Variants in ACVR1C observed in about 807,000 individuals in gnomAD.
The protein encoded by ACVR1C is activin A receptor type 1C.
In ACVR1C, 23 loss-of-function variants were observed where a neutral mutation model predicts 57.9. That is an observed-to-expected ratio of 0.40 (90% confidence interval 0.29 to 0.56). The LOEUF is 0.56. Ranked by LOEUF, ACVR1C falls within the 20% of genes least tolerant of loss-of-function variation. The probability of loss-of-function intolerance (pLI) is 0.50; values close to 1 mark genes in which losing one functional copy is unlikely to be tolerated. For synonymous variants in ACVR1C, 214 were observed against 215.3 expected (o/e 0.99, Z 0.05); for missense variants, 480 against 607.9 (o/e 0.79, Z 2.21).
intron 1 of ACVR1C, among the ~76,000 whole-genome samples, chr2:157,619,096 G>T (rs1044981219): frequency 7.9e-5 from 12 of 151,914 alleles, no homozygotes; most frequent in Non-Finnish European, 1.5e-5. Context: ...AGTGGAATAT[G>T]TAGTATTTTC....
chr2:157,585,807 T>C (rs1688907934), intron 2 of ACVR1C, among the ~76,000 whole-genome samples: 1 of 152,062 alleles, frequency 6.6e-6, no homozygotes, highest in African/African-American at 2.4e-5. Flanking sequence ...GCATCTGAGA[T>C]AGAGAGAATA....
chr2:157,541,240 T>C, intron 6 of ACVR1C, 26 bp from the exon 7 acceptor site: 1 of 1,606,484 alleles, frequency 6.2e-7, no homozygotes, highest in Non-Finnish European at 8.5e-7. Flanking sequence ...CATTTCAGAT[T>C]CTGTCTATGA....
intron 8 of ACVR1C, among the ~76,000 whole-genome samples, chr2:157,534,660 G>A (rs182571647): frequency 2.6e-5 from 4 of 152,158 alleles, no homozygotes; most frequent in Non-Finnish European, 4.4e-5. Context: ...AAAAATCCTG[G>A]ACTTTAAAAA....
intron 4 of ACVR1C, 91 bp from the exon 5 acceptor site, chr2:157,544,703 TA>T: frequency 8.8e-7 from 1 of 1,140,282 alleles, no homozygotes; most frequent in Non-Finnish European, 1.2e-6. Flanking sequence ...TCTGTATTGT[TA>T]ACAAAGCAAA....
At chr2:157,553,334 A>G (rs1303650056) in intron 3 of ACVR1C, among the ~76,000 whole-genome samples, 1 of 152,066 alleles carries the variant, frequency 6.6e-6, no homozygotes, top group Non-Finnish European at 1.5e-5. Flanking sequence ...TGGGGGAAAA[A>G]TGCCTAAAGC....
At chr2:157,542,645 G>A in intron 6 of ACVR1C, 61 bp downstream of exon 6, 3 of 1,543,558 alleles carry the variant, frequency 1.9e-6, no homozygotes, top group Middle Eastern at 3.5e-4. Flanking sequence ...CACACATGAG[G>A]ACATTCATGC....
Position 157,556,856 on chromosome 2 carries a change from T to A in ACVR1C, c.305-524A>T, listed in dbSNP as rs187139553. Among the ~76,000 whole-genome samples the A allele has an allele frequency of 2.4e-4, 36 of 151,880 alleles. No homozygotes were observed. In the Middle Eastern group the frequency reaches 0.01, roughly 43 times the overall value. ...TTTTTCTATTTTTATAGAGACAGGGTTTCACCATGTTGGCCAGGCTGGTCT... is the reference window on the plus strand; with the variant it reads ...TTTTTCTATTTTTATAGAGACAGGGATTCACCATGTTGGCCAGGCTGGTCT... On this transcript the variant is annotated intron_variant, in intron 2 of 8. Coordinates refer to ENST00000243349, the MANE Select transcript of ACVR1C (RefSeq NM_145259.3).
intron 2 of ACVR1C, among the ~76,000 whole-genome samples, chr2:157,569,483 A>G (rs1688472468): frequency 1.1e-5 from 1 of 91,656 alleles, no homozygotes; most frequent in Non-Finnish European, 2.2e-5. Flanking sequence ...AATAAAGAAA[A>G]AAAGAGAGAA....
At chr2:157,559,809 C>T (rs1688193971) in intron 2 of ACVR1C, among the ~76,000 whole-genome samples, 1 of 150,330 alleles carries the variant, frequency 6.7e-6, no homozygotes, top group Admixed American at 6.7e-5. Flanking sequence ...ATAAGCCCTA[C>T]AATATGTTAA....
chr2:157,556,080 A>T lies in ACVR1C; in HGVS notation c.544+13T>A, dbSNP rs199758497. The T allele has an allele frequency of 3.1e-6, 5 of 1,602,444 alleles. No homozygotes were observed. Among genetic ancestry groups the T allele is most frequent in the Non-Finnish European group, 4.3e-6 (5 of 1,175,220 alleles). On this transcript the variant is annotated intron_variant, in intron 3 of 8. Transcript: ENST00000243349. The stretch of plus-strand genomic sequence containing the variant: ...GTTTTCTTATTTTAAAAAAATGGAC[A>T]ATGGTAACATACCAGAGCCAGATCC...
Position 157,550,178 on chromosome 2 carries a change from A to T in ACVR1C, c.759T>A (p.Ile253=). Residue 253 remains isoleucine (I), a synonymous_variant, in exon 4 of 9, where the codon ATT becomes ATA. Transcript: ENST00000243349. ...MLRHENILGF[I]AADNKDNGTW... is the part of the protein sequence containing the mutation. ...TGGAAATACCTTTGTTGTCAGCAGC[A>T]ATGAAACCAAGGATGTTTTCATGTC... 2 of 1,614,050 alleles carry T rather than the reference A, an allele frequency of 1.2e-6. No individual in the cohort carries two copies. Among genetic ancestry groups the T allele is most frequent in the Non-Finnish European group, 1.7e-6 (2 of 1,179,960 alleles).
chr2:157,603,217 A>T (rs1682319727), intron 1 of ACVR1C, among the ~76,000 whole-genome samples: 1 of 152,156 alleles, frequency 6.6e-6, no homozygotes, highest in Non-Finnish European at 1.5e-5. Flanking sequence ...ATGGAAACTT[A>T]CCTGATCTCT....
intron 2 of ACVR1C, among the ~76,000 whole-genome samples, chr2:157,578,179 G>A (rs1046052198): frequency 2.6e-4 from 40 of 152,272 alleles, no homozygotes; most frequent in Admixed American, 2.3e-3. Context: ...CATCGGGATT[G>A]CAGGCTTGAG....
Position 157,628,704 on chromosome 2 carries a change from C to T in ACVR1C, c.-60G>A, listed in dbSNP as rs1312727490. The T allele has an allele frequency of 1.4e-6, 2 of 1,394,760 alleles. No homozygotes were observed. The highest frequency in any genetic ancestry group is 2.8e-5 in the East Asian group (1 of 36,318). 86.4% of individuals were successfully genotyped at this position (1,394,760 alleles called of 1,614,324 possible). ...CCAGAGCAGAGCGAGGCAGCCGGGG[C>T]AGCACGGCCCGCTTTGAAGTTCCCG... On this transcript the variant is annotated 5_prime_UTR_variant, in exon 1 of 9. Coordinates refer to ENST00000243349, the MANE Select transcript of ACVR1C (RefSeq NM_145259.3).
In ACVR1C at chr2:157,532,078, T is replaced by A. The variant is rs1687363361; in HGVS notation, c.*1840A>T. 1.3e-5 allele frequency: 2 copies of A among 152,070 alleles called. No individual in the cohort carries two copies. Among genetic ancestry groups the A allele is most frequent in the Admixed American group, 6.6e-5 (1 of 15,244 alleles). The allele number at this position is 152,070 out of a possible 1,614,324, so 9.4% of individuals were successfully genotyped here. On this transcript the variant is annotated 3_prime_UTR_variant, in exon 9 of 9. Coordinates refer to ENST00000243349, the MANE Select transcript of ACVR1C (RefSeq NM_145259.3). ...AACGAGTATGGAAGTACACGCAAAC[T>A]CCATAGCTGTCAGTTTTTTGCCTTC... is the stretch of plus-strand genomic sequence containing the variant.
At chr2:157,558,256 A>G (rs1341033836) in intron 2 of ACVR1C, among the ~76,000 whole-genome samples, 1 of 152,228 alleles carries the variant, frequency 6.6e-6, no homozygotes. Context: ...CTTGGAAAGC[A>G]ATAGCTTGAC....
At chr2:157,562,252 G>A (rs989975088) in intron 2 of ACVR1C, among the ~76,000 whole-genome samples, 31 of 149,132 alleles carry the variant, frequency 2.1e-4, no homozygotes, top group African/African-American at 6.4e-4. Flanking sequence ...CTGAAATCGC[G>A]CCACTGCACT....
intron 8 of ACVR1C, among the ~76,000 whole-genome samples, chr2:157,535,340 G>A (rs982193765): frequency 2.0e-5 from 3 of 151,696 alleles, no homozygotes; most frequent in African/African-American, 7.3e-5. Flanking sequence ...ACAAACACAT[G>A]AGGAAAAAAG....
chr2:157,570,482 A>T (rs1688491747), intron 2 of ACVR1C, among the ~76,000 whole-genome samples: 1 of 78,276 alleles, frequency 1.3e-5, no homozygotes, highest in Non-Finnish European at 2.6e-5. Context: ...CTCAGCCCAA[A>T]ATCTCCTTAA....
Sources: gnomAD v4.1 joint callset for allele counts (sites outside exome capture counted in the v4.1 genomes callset) on GRCh38, gnomAD v4.1.1 for gene constraint, MANE v1.5 for transcripts, NCBI Gene and HGNC (gene_info 2026-07-23, HGNC 2026-07-21) for gene names.